CUX2: variants seen among roughly 807,000 people sequenced by gnomAD.
CUX2 encodes the protein cut like homeobox 2, also known as homeobox protein cut-like 2.
A neutral mutation model predicts 144.8 loss-of-function variants in CUX2; 40 were observed. The ratio of observed to expected loss-of-function variants is 0.28; its 90% CI spans 0.21 to 0.36. The LOEUF is 0.36. Among genes scored for constraint, CUX2 ranks in the 10% least tolerant of loss-of-function variants. CUX2 has a pLI of 1.00. For missense variants in CUX2, 1,615 were observed against 1,994.0 expected (o/e 0.81, Z 3.62); for synonymous variants, 827 against 875.6 (o/e 0.94, Z 0.98).
chr12:111,157,141 G>A (rs1431302154), intron 1 of CUX2, among the ~76,000 whole-genome samples: 8 of 150,796 alleles, frequency 5.3e-5, no homozygotes, highest in East Asian at 1.9e-4. Context: ...GGGTAGAATC[G>A]CCCAGTATCA....
At chr12:111,237,006 G>A (rs1882785715) in intron 3 of CUX2, among the ~76,000 whole-genome samples, 1 of 152,094 alleles carries the variant, frequency 6.6e-6, no homozygotes, top group African/African-American at 2.4e-5. Flanking sequence ...AAAATTAGTT[G>A]GGTGTGGTGA....
intron 1 of CUX2, among the ~76,000 whole-genome samples, chr12:111,212,354 G>T (rs142975968): frequency 7.5e-4 from 114 of 152,270 alleles, no homozygotes; most frequent in African/African-American, 2.6e-3. Flanking sequence ...GCTTCGGCAA[G>T]AATTGGTTTC....
chr12:111,078,925 G>T (rs1209179973), intron 1 of CUX2, among the ~76,000 whole-genome samples: 2 of 152,204 alleles, frequency 1.3e-5, no homozygotes, highest in Non-Finnish European at 2.9e-5. Context: ...GGAGTCGTGC[G>T]TGGGAACACC....
chr12:111,164,233 AC>A (rs1877972248), intron 1 of CUX2, among the ~76,000 whole-genome samples: 1 of 152,042 alleles, frequency 6.6e-6, no homozygotes, highest in Non-Finnish European at 1.5e-5. Context: ...TATTCCCAGC[AC>A]CCTTCCAGGC....
At chr12:111,089,961 G>A (rs1002547004) in intron 1 of CUX2, among the ~76,000 whole-genome samples, 3 of 152,206 alleles carry the variant, frequency 2.0e-5, no homozygotes, top group Admixed American at 2.0e-4. Flanking sequence ...AGGTTTTGGG[G>A]CAGAGGAGTG....
At position 111,038,920 on chromosome 12, in the gene CUX2, T is replaced by C. The variant is rs59261535; in HGVS notation, c.63+4680T>C. 6.2e-4 allele frequency among the ~76,000 whole-genome samples: 95 copies of C among 152,148 alleles called. 1 individual carries two copies. In the East Asian group the frequency reaches 0.011, roughly 18 times the overall value. The stretch of plus-strand genomic sequence containing the variant: ...TGACCAGAGGGAACAGCTTTTCTGA[T>C]GGTGGTGGTGGTTTTTCTTTCTTTT... On this transcript the variant is annotated intron_variant, in intron 1 of 21. Coordinates refer to ENST00000261726, the MANE Select transcript of CUX2 (RefSeq NM_015267.4).
chr12:111,147,679 G>A (rs1047469104), intron 1 of CUX2, among the ~76,000 whole-genome samples: 1 of 152,236 alleles, frequency 6.6e-6, no homozygotes, highest in Non-Finnish European at 1.5e-5. Context: ...TGGCAAGCCT[G>A]CTCAGAGCTG....
intron 4 of CUX2, among the ~76,000 whole-genome samples, chr12:111,276,195 A>T (rs1592908596): frequency 6.6e-6 from 1 of 152,088 alleles, no homozygotes; most frequent in Non-Finnish European, 1.5e-5. Flanking sequence ...TCTACAAAAA[A>T]TTTTAAAAAT....
intron 3 of CUX2, among the ~76,000 whole-genome samples, chr12:111,262,927 C>G (rs532435969): frequency 6.6e-6 from 1 of 152,358 alleles, no homozygotes; most frequent in Non-Finnish European, 1.5e-5. Context: ...GTGTCACCAA[C>G]ACACCGTGTG....
chr12:111,323,048 G>A (rs1198424654), intron 18 of CUX2, among the ~76,000 whole-genome samples: 1 of 152,234 alleles, frequency 6.6e-6, no homozygotes, highest in Non-Finnish European at 1.5e-5. Flanking sequence ...GCCCGGGTGA[G>A]GAAACGGAGG....
chr12:111,184,568 T>G (rs1457270145), intron 1 of CUX2, among the ~76,000 whole-genome samples: 4 of 115,802 alleles, frequency 3.5e-5, no homozygotes, highest in Non-Finnish European at 6.6e-5. Flanking sequence ...AAACCTTCTC[T>G]CTACCAAAAA....
chr12:111,081,794 C>T (rs550377092), intron 1 of CUX2, among the ~76,000 whole-genome samples: 3 of 152,336 alleles, frequency 2.0e-5, no homozygotes, highest in African/African-American at 7.2e-5. Flanking sequence ...AGGTGCTGTT[C>T]TGTTCCCCTT....
At position 111,061,178 on chromosome 12, in the gene CUX2, G is replaced by GCA. The variant is rs10525230; in HGVS notation, c.63+26975_63+26976dup. ...TGTCCCCAGATGTGTGCATGCATATGCACACACACACACACACACACACAC... is the reference window on the plus strand; with the variant it reads ...TGTCCCCAGATGTGTGCATGCATATGCACACACACACACACACACACACACAC... On this transcript the variant is annotated intron_variant, in intron 1 of 21. Transcript: ENST00000261726. This position sits in a 1 kb window ranked among gnomAD's most constrained non-coding sequence, Gnocchi z 4.2. 0.54 allele frequency among the ~76,000 whole-genome samples: 78,153 copies of GCA among 143,500 alleles called. 23,096 individuals are homozygous for GCA. Among genetic ancestry groups the GCA allele is most frequent in the Non-Finnish European group, 0.67 (43,871 of 65,182 alleles). 94.1% of individuals were successfully genotyped at this position (143,500 alleles called of 152,430 possible). A position where few individuals can be genotyped will look rare whatever the true frequency, so the allele number is the denominator to read the frequency against.
intron 1 of CUX2, among the ~76,000 whole-genome samples, chr12:111,187,368 C>T (rs922297080): frequency 3.9e-5 from 6 of 152,134 alleles, no homozygotes; most frequent in Non-Finnish European, 7.4e-5. Flanking sequence ...CCTGAGTCCC[C>T]GCTCGTTTAG....
At chr12:111,120,357 C>T (rs953139416) in intron 1 of CUX2, among the ~76,000 whole-genome samples, 2 of 152,140 alleles carry the variant, frequency 1.3e-5, no homozygotes, top group African/African-American at 4.8e-5. Context: ...CTAGGGGGAT[C>T]ACCGGCTATT....
At chr12:111,099,368 C>T (rs1219262612) in intron 1 of CUX2, 1 of 360,806 alleles carries the variant, frequency 2.8e-6, no homozygotes, top group Non-Finnish European at 5.5e-6. Flanking sequence ...GGGGTCTAGG[C>T]CTCTGAGCTC....
At chr12:111,079,702 C>T (rs867195676) in intron 1 of CUX2, among the ~76,000 whole-genome samples, 10 of 152,198 alleles carry the variant, frequency 6.6e-5, no homozygotes, top group South Asian at 2.1e-4. Context: ...CATCCCTCAG[C>T]GGCACTGTTC....
chr12:111,271,100 T>C (rs1319668770), intron 4 of CUX2, among the ~76,000 whole-genome samples: 1 of 152,172 alleles, frequency 6.6e-6, no homozygotes, highest in Non-Finnish European at 1.5e-5. Context: ...GTGACAAGCG[T>C]CTGCTATTGA....
At chr12:111,148,606 G>A (rs537377299) in intron 1 of CUX2, among the ~76,000 whole-genome samples, 1 of 152,296 alleles carries the variant, frequency 6.6e-6, no homozygotes, top group East Asian at 1.9e-4. Flanking sequence ...TTAATACTAT[G>A]TTACTGCCAC....
Sources: allele counts gnomAD v4.1 joint callset (sites outside exome capture counted in the v4.1 genomes callset), GRCh38; gene constraint gnomAD v4.1.1; non-coding constraint Gnocchi (gnomAD v3.1); transcripts MANE v1.5; gene names NCBI Gene and HGNC (gene_info 2026-07-23, HGNC 2026-07-21).